SYT16: variants seen among roughly 807,000 people sequenced by gnomAD.
SYT16 encodes the protein synaptotagmin-16.
A neutral mutation model predicts 61.4 loss-of-function variants in SYT16; 42 were observed. The ratio of observed to expected loss-of-function variants is 0.68; its 90% confidence interval spans 0.53 to 0.89. The LOEUF is 0.89. Among genes scored for constraint, SYT16 ranks in the 40% least tolerant of loss-of-function variants. The pLI, the probability that SYT16 is intolerant of heterozygous loss-of-function variation, is 0.00. For missense variants in SYT16, 804 were observed against 807.3 expected (o/e 1.00, Z 0.05); for synonymous variants, 314 against 302.3 (o/e 1.04, Z -0.40).
intron 7 of SYT16, 82 bp downstream of exon 7, chr14:62,084,467 A>G: frequency 7.0e-7 from 1 of 1,432,964 alleles, no homozygotes; most frequent in Non-Finnish European, 9.3e-7. Context: ...TAGTTCTTTA[A>G]TTTTTACCAT....
Position 61,920,049 on chromosome 14 carries a change from G to T in SYT16, c.-324-50083G>T, listed in dbSNP as rs1013921346. 3.3e-5 allele frequency among the ~76,000 whole-genome samples: 5 copies of T among 152,214 alleles called. No homozygotes were observed. The South Asian group carries it at 1.0e-3, about 32-fold the overall frequency. On this transcript the variant is annotated intron_variant, in intron 1 of 7. Transcript: ENST00000683842. ...ATTGAACTGCTGGAGATTTCTGCATGCTCCAGGCCCCCCGACATACACACA... is the reference window on the plus strand; with the variant it reads ...ATTGAACTGCTGGAGATTTCTGCATTCTCCAGGCCCCCCGACATACACACA...
intron 1 of SYT16, among the ~76,000 whole-genome samples, chr14:61,894,065 C>G (rs190686695): frequency 2.6e-5 from 4 of 152,290 alleles, no homozygotes; most frequent in Admixed American, 2.6e-4. Context: ...GGGCAGATTA[C>G]CTGAGGTCAG....
intron 3 of SYT16, among the ~76,000 whole-genome samples, chr14:62,050,627 T>A (rs1390723870): frequency 6.6e-6 from 1 of 152,222 alleles, no homozygotes; most frequent in Non-Finnish European, 1.5e-5. Context: ...TCTTTGATGA[T>A]GGTGACGTAC....
At chr14:61,879,979 A>G (rs1316390137) in intron 1 of SYT16, among the ~76,000 whole-genome samples, 1 of 152,186 alleles carries the variant, frequency 6.6e-6, no homozygotes, top group Non-Finnish European at 1.5e-5. Flanking sequence ...AAATTCACTG[A>G]AAAGATAAAA....
At chr14:61,925,573 GT>G (rs965040540) in intron 1 of SYT16, among the ~76,000 whole-genome samples, 2 of 152,140 alleles carry the variant, frequency 1.3e-5, no homozygotes, top group Non-Finnish European at 2.9e-5. Context: ...AAAAAAGGGG[GT>G]TTCTTCTCTA....
intron 1 of SYT16, among the ~76,000 whole-genome samples, chr14:61,863,667 G>T (rs972033270): frequency 2.0e-5 from 3 of 152,102 alleles, no homozygotes; most frequent in South Asian, 2.1e-4. Flanking sequence ...CTTTGCTGCC[G>T]CATGTAAAAA....
chr14:61,994,315 TC>T (rs1042418429), intron 2 of SYT16, among the ~76,000 whole-genome samples: 1 of 152,146 alleles, frequency 6.6e-6, no homozygotes, highest in Non-Finnish European at 1.5e-5. Context: ...TTCTCAAACT[TC>T]CGTGGGTGTC....
intron 1 of SYT16, among the ~76,000 whole-genome samples, chr14:61,814,495 A>G (rs1157776038): frequency 1.3e-5 from 2 of 152,268 alleles, no homozygotes; most frequent in African/African-American, 4.8e-5. Flanking sequence ...TGATACATTT[A>G]GTACCCTAGA....
rs1039751701 is a variant in SYT16, at chr14:61,829,913, C to A, written c.-325+17103C>A. On this transcript the variant is annotated intron_variant, in intron 1 of 7. Transcript: ENST00000683842. ...TCGTGATCCACCTGCCTTGGCCTCC[C>A]AAAGTGCTGGGATTACAGGCATGAG... 2.0e-5 allele frequency among the ~76,000 whole-genome samples: 3 copies of A among 152,166 alleles called. No homozygotes were observed. The East Asian group carries it at 5.8e-4, about 29-fold the overall frequency.
At chr14:61,973,360 G>A (rs897310403) in intron 2 of SYT16, among the ~76,000 whole-genome samples, 3 of 152,078 alleles carry the variant, frequency 2.0e-5, no homozygotes, top group East Asian at 3.9e-4. Context: ...ATGATCATTG[G>A]TAACTATTGT....
intron 1 of SYT16, among the ~76,000 whole-genome samples, chr14:61,915,281 C>G (rs1349644672): frequency 6.6e-6 from 1 of 152,046 alleles, no homozygotes; most frequent in Non-Finnish European, 1.5e-5. Flanking sequence ...ACCCTGTTCT[C>G]AAGATACTTA....
At chr14:61,856,295 G>GC (rs1211659753) in intron 1 of SYT16, among the ~76,000 whole-genome samples, 2 of 152,222 alleles carry the variant, frequency 1.3e-5, no homozygotes, top group African/African-American at 4.8e-5. Flanking sequence ...GGTGACAGTG[G>GC]CATCAGGTAG....
At chr14:61,845,973 A>G (rs2046436374) in intron 1 of SYT16, among the ~76,000 whole-genome samples, 1 of 152,098 alleles carries the variant, frequency 6.6e-6, no homozygotes, top group Non-Finnish European at 1.5e-5. Flanking sequence ...ATTTCCATGT[A>G]TTTGTATCGT....
rs1441080779 is a variant in SYT16 at position 61,892,795 on chromosome 14, C to G, written c.-324-77337C>G. ...CATTCAGAAGAAAGGGGATTAGATA[C>G]CGGGCCGGCAAGAAAACTAAGGCAC... On this transcript the variant is annotated intron_variant, in intron 1 of 7. Transcript: ENST00000683842. Among the ~76,000 whole-genome samples, 4 of 152,150 alleles carry G rather than the reference C, an allele frequency of 2.6e-5. No homozygotes were observed. The East Asian group carries it at 7.7e-4, about 29-fold the overall frequency.
intron 3 of SYT16, among the ~76,000 whole-genome samples, chr14:62,040,671 T>C (rs931732606): frequency 6.6e-6 from 1 of 152,232 alleles, no homozygotes; most frequent in Non-Finnish European, 1.5e-5. Context: ...AGAATTCTGC[T>C]GTCATCCTTA....
At position 61,865,238 on chromosome 14, in the gene SYT16, G is replaced by A. The variant is rs908730559; in HGVS notation, c.-325+52428G>A. 5.3e-6 allele frequency: 5 copies of A among 946,332 alleles called. No homozygotes were observed. The Admixed American group carries it at 8.9e-5, about 17-fold the overall frequency. 58.6% of individuals were successfully genotyped at this position (946,332 alleles called of 1,614,324 possible). ...TTCTGGGGCACCCCATCTGTTGCTG[G>A]ACATCAGGCCTAAGATGGAGGTGAG... is the stretch of plus-strand genomic sequence containing the variant. On this transcript the variant is annotated intron_variant, in intron 1 of 7. Transcript: ENST00000683842.
chr14:61,890,744 C>T (rs1005580177), intron 1 of SYT16, among the ~76,000 whole-genome samples: 1 of 152,048 alleles, frequency 6.6e-6, no homozygotes, highest in African/African-American at 2.4e-5. Flanking sequence ...TAAGGAAAAC[C>T]AAGCCTCTGG....
In SYT16 at chr14:62,110,630, G is replaced by A. The variant is rs2057591383; in HGVS notation, c.*9923G>A. ...GTTATAGTTGGTCTTTAGCTGTTCTGTCTCTGAGGAGCTAGAAATAAAATA... is the reference window on the plus strand; with the variant it reads ...GTTATAGTTGGTCTTTAGCTGTTCTATCTCTGAGGAGCTAGAAATAAAATA... On this transcript the variant is annotated 3_prime_UTR_variant, in exon 8 of 8. Coordinates refer to ENST00000683842, the MANE Select transcript of SYT16 (RefSeq NM_001367656.1). The A allele has an allele frequency of 6.6e-6, 1 of 152,020 alleles. No individual in the cohort carries two copies. The highest frequency in any genetic ancestry group is 2.4e-5 in the African/African-American group (1 of 41,414). 9.4% of individuals were successfully genotyped at this position (152,020 alleles called of 1,614,324 possible). A position where few individuals can be genotyped will look rare whatever the true frequency, so the allele number is the denominator to read the frequency against.
At chr14:62,084,526 C>T (rs2056822547) in intron 7 of SYT16, 141 bp downstream of exon 7, 2 of 925,266 alleles carry the variant, frequency 2.2e-6, no homozygotes, top group Admixed American at 6.5e-5. Flanking sequence ...AGAGATACCT[C>T]TGTATTTTTT....
Sources: gnomAD v4.1 joint callset for allele counts (sites outside exome capture counted in the v4.1 genomes callset) on GRCh38, gnomAD v4.1.1 for gene constraint, MANE v1.5 for transcripts, NCBI Gene and HGNC (gene_info 2026-07-23, HGNC 2026-07-21) for gene names.